The following OTOGL variants were observed in gnomAD, a reference collection of about 807,000 sequenced individuals.
The protein encoded by OTOGL is otogelin like.
In OTOGL, 285 loss-of-function variants were observed where a neutral mutation model predicts 318.5. The ratio of observed to expected loss-of-function variants is 0.89; its 90% CI spans 0.81 to 0.99. OTOGL has a LOEUF of 0.99. Among genes scored for constraint, OTOGL ranks in the 50% least tolerant of loss-of-function variants. The pLI, the probability that OTOGL is intolerant of heterozygous loss-of-function variation, is 0.00. For synonymous variants in OTOGL, 987 were observed against 936.5 expected, an observed-to-expected ratio of 1.05 and a Z score of -0.99; for missense variants, 2,899 against 2,845.6, an observed-to-expected ratio of 1.02 and a Z score of -0.43.
In OTOGL at chr12:80,339,131, A is replaced by G; in HGVS notation, c.4917A>G (p.Ile1639Met). The G allele has an allele frequency of 6.2e-7, 1 of 1,611,812 alleles. No homozygotes were observed. Among genetic ancestry groups the G allele is most frequent in the Non-Finnish European group, 8.5e-7 (1 of 1,178,154 alleles). ...CCTTTTCAAGTCAGGAACTGTCCAT[A>G]GAGGATTCTGGTTCAATGTATGTAA... Reference protein sequence around the residue: ...PLPFSSQELSIEDSGSMYVIT... With the variant: ...PLPFSSQELSMEDSGSMYVIT... Residue 1639 changes from isoleucine (I) to methionine (M), a missense_variant, in exon 43 of 59, where the codon ATA becomes ATG. Transcript: ENST00000547103.
At chr12:80,343,056 A>G (rs1888884872) in intron 44 of OTOGL, among the ~76,000 whole-genome samples, 2 of 152,042 alleles carry the variant, frequency 1.3e-5, no homozygotes, top group Admixed American at 1.3e-4. Context: ...TGATATTTTT[A>G]GTACAGGCGG....
chr12:80,110,514 G>C (rs1381473417), intron 1 of OTOGL, among the ~76,000 whole-genome samples: 1 of 152,134 alleles, frequency 6.6e-6, no homozygotes, highest in South Asian at 2.1e-4. Flanking sequence ...TTGGTTTTCT[G>C]TTCCTGTGTT....
At chr12:80,108,936 GTATATATA>G (rs199972356) in intron 1 of OTOGL, among the ~76,000 whole-genome samples, 2 of 128,244 alleles carry the variant, frequency 1.6e-5, no homozygotes, top group Non-Finnish European at 3.2e-5. Context: ...ATATGTGTGT[GTATATATA>G]TATATATATA....
chr12:80,213,553 C>A (rs1387142386), intron 4 of OTOGL, among the ~76,000 whole-genome samples: 1 of 152,080 alleles, frequency 6.6e-6, no homozygotes, highest in Non-Finnish European at 1.5e-5. Flanking sequence ...ACCTCTGACG[C>A]CAGAATAGGC....
chr12:80,169,009 C>T (rs898739106), intron 1 of OTOGL, among the ~76,000 whole-genome samples: 1 of 152,150 alleles, frequency 6.6e-6, no homozygotes, highest in African/African-American at 2.4e-5. Context: ...GTGGCTCAAT[C>T]TCCTCAACTC....
intron 8 of OTOGL, among the ~76,000 whole-genome samples, chr12:80,232,180 T>C (rs145140103): frequency 5.3e-5 from 8 of 152,342 alleles, no homozygotes; most frequent in African/African-American, 1.9e-4. Flanking sequence ...AAATATTTTA[T>C]GTGACCCTTG....
intron 1 of OTOGL, chr12:80,208,239 A>G (rs534165005): frequency 1.9e-6 from 1 of 516,844 alleles, no homozygotes; most frequent in South Asian, 1.4e-5. Flanking sequence ...GCAAGAGTAA[A>G]TGATTATTGG....
In OTOGL at chr12:80,222,169, A is replaced by G. The variant is rs781195737; in HGVS notation, c.413A>G (p.Tyr138Cys). ...CATTTTGAAACATTCGATGGCATCT[A>G]CTATTACTTCCCAGGAAACTGTTCT... is the stretch of plus-strand genomic sequence containing the variant. Reference protein sequence around the residue: ...QYHFETFDGIYYYFPGNCSYI... With the variant: ...QYHFETFDGICYYFPGNCSYI... The change falls in exon 7 of 59, where the codon TAC (tyrosine) becomes TGC (cysteine). Residue 138 changes from tyrosine to cysteine, a missense_variant. Around this residue, in one of 3 missense-constraint regions of OTOGL, gnomAD observed 2,607 missense variants for 2,524.9 expected, o/e 1.03. Coordinates refer to ENST00000547103, the MANE Select transcript of OTOGL (RefSeq NM_001378609.3). The G allele has an allele frequency of 6.3e-7, 1 of 1,597,640 alleles. No individual in the cohort carries two copies. The highest frequency in any genetic ancestry group is 1.7e-5 in the Admixed American group (1 of 59,960).
intron 20 of OTOGL, chr12:80,265,543 G>A (rs899497863): frequency 1.4e-5 from 4 of 279,330 alleles, no homozygotes; most frequent in Non-Finnish European, 2.8e-5. Context: ...AACAGATTAT[G>A]TAATACAGTG....
chr12:80,201,302 A>G (rs1876436235), intron 1 of OTOGL, among the ~76,000 whole-genome samples: 1 of 152,194 alleles, frequency 6.6e-6, no homozygotes, highest in African/African-American at 2.4e-5. Flanking sequence ...TTCAGGCTGT[A>G]CAAGAAGTGT....
At chr12:80,217,730 A>G (rs1877882141) in intron 5 of OTOGL, 66 bp downstream of exon 5, 1 of 1,205,274 alleles carries the variant, frequency 8.3e-7, no homozygotes, top group African/African-American at 1.5e-5. Context: ...GATATATTGA[A>G]TCAAGTATTT....
At chr12:80,123,580 A>G (rs1029126968) in intron 1 of OTOGL, among the ~76,000 whole-genome samples, 1 of 152,142 alleles carries the variant, frequency 6.6e-6, no homozygotes. Flanking sequence ...GTCAAATGGT[A>G]TTTCTAGTTC....
intron 1 of OTOGL, among the ~76,000 whole-genome samples, chr12:80,119,950 T>C (rs1012212285): frequency 2.0e-5 from 3 of 152,220 alleles, no homozygotes; most frequent in Non-Finnish European, 4.4e-5. Context: ...CAGTTGTCTT[T>C]AGAGACTGAG....
At chr12:80,237,365 A>G (rs1879959678) in intron 9 of OTOGL, among the ~76,000 whole-genome samples, 2 of 152,152 alleles carry the variant, frequency 1.3e-5, no homozygotes, top group Admixed American at 6.6e-5. Flanking sequence ...AAAGGTAGAG[A>G]AAGAAGGTAA....
intron 9 of OTOGL, among the ~76,000 whole-genome samples, chr12:80,237,958 T>C (rs544533505): frequency 4.6e-5 from 7 of 152,308 alleles, no homozygotes; most frequent in African/African-American, 1.7e-4. Context: ...CATGGAACTT[T>C]GAGATGTCAT....
rs11438265 is a variant in OTOGL at position 80,251,954 on chromosome 12, A to AT, written c.1160-115dup. On this transcript the variant is annotated intron_variant, in intron 12 of 58. Coordinates refer to ENST00000547103, the MANE Select transcript of OTOGL (RefSeq NM_001378609.3). ...GCATACTTTTTGAAACAAGTATGCAATTTTTTTGCAATTAAAAGTTATTTT... is the reference window on the plus strand; with the variant it reads ...GCATACTTTTTGAAACAAGTATGCAATTTTTTTTGCAATTAAAAGTTATTTT... The AT allele has an allele frequency of 0.99, 1,170,565 of 1,185,470 alleles. 579,061 individuals are homozygous for AT. The highest frequency in any genetic ancestry group is 1 in the East Asian group (35,931 of 35,960). The allele number at this position is 1,185,470 out of a possible 1,614,324, so 73.4% of individuals were successfully genotyped here. A position where few individuals can be genotyped will look rare whatever the true frequency, so the allele number is the denominator to read the frequency against.
chr12:80,106,442 A>G (rs1869459493), intron 1 of OTOGL, among the ~76,000 whole-genome samples: 1 of 152,166 alleles, frequency 6.6e-6, no homozygotes, highest in Non-Finnish European at 1.5e-5. Context: ...CAGAGATTGA[A>G]TGTCCACTTT....
intron 1 of OTOGL, among the ~76,000 whole-genome samples, chr12:80,198,230 A>G (rs1302789597): frequency 1.3e-5 from 2 of 152,274 alleles, no homozygotes; most frequent in African/African-American, 4.8e-5. Flanking sequence ...TTCTCTTTTG[A>G]GTATCCTCTT....
At chr12:80,302,054 T>A (rs551192574) in intron 27 of OTOGL, among the ~76,000 whole-genome samples, 6 of 152,182 alleles carry the variant, frequency 3.9e-5, no homozygotes, top group African/African-American at 1.4e-4. Context: ...TTTTTCTTTC[T>A]TGTTAAGTTG....
Sources: gnomAD v4.1 joint callset for allele counts (sites outside exome capture counted in the v4.1 genomes callset) on GRCh38, gnomAD v4.1.1 for gene constraint, gnomAD v4.1.1 regional missense constraint, MANE v1.5 for transcripts, NCBI Gene and HGNC (gene_info 2026-07-23, HGNC 2026-07-21) for gene names.